The following WDR35 variants were observed in gnomAD, a reference collection of about 807,000 sequenced individuals.
WDR35 encodes WD repeat domain 35, also known as WD repeat-containing protein 35.
WDR35 carries 118 observed loss-of-function variants against 158.3 expected under a neutral mutation model. That is an observed-to-expected ratio of 0.75 (90% confidence interval 0.64 to 0.87). The LOEUF (loss-of-function observed/expected upper bound fraction) is 0.87, where lower values mean the gene tolerates loss of function less well. Among genes scored for constraint, WDR35 ranks in the 40% least tolerant of loss-of-function variants. WDR35 has a pLI of 0.00. For missense variants in WDR35, 1,263 were observed against 1,405.8 expected (o/e 0.90, Z 1.62); for synonymous variants, 448 against 476.1 (o/e 0.94, Z 0.77).
intron 8 of WDR35, 108 bp from the exon 9 acceptor site, chr2:19,969,713 A>G (rs1200176372): frequency 1.6e-6 from 2 of 1,234,612 alleles, no homozygotes; most frequent in Non-Finnish European, 2.3e-6. Context: ...TATTTTGTGA[A>G]AAGTTACTAG....
chr2:19,931,052 T>C (rs768672936), intron 24 of WDR35, among the ~76,000 whole-genome samples: 18 of 152,180 alleles, frequency 1.2e-4, no homozygotes, highest in Non-Finnish European at 2.5e-4. Context: ...GACTACAGAT[T>C]AGTATTACAG....
chr2:19,982,386 A>T, intron 3 of WDR35, 77 bp downstream of exon 3: 10 of 1,329,692 alleles, frequency 7.5e-6, no homozygotes, highest in Non-Finnish European at 1.1e-5. Flanking sequence ...AAATGTTGAC[A>T]TTTCTGCATT....
At chr2:19,914,512 A>G (rs1161795175) in intron 25 of WDR35, among the ~76,000 whole-genome samples, 3 of 152,234 alleles carry the variant, frequency 2.0e-5, no homozygotes, top group South Asian at 2.1e-4. Flanking sequence ...AATGCTGCAC[A>G]TGGCTGTGCC....
At chr2:19,933,865 T>C (rs1010748076) in intron 21 of WDR35, among the ~76,000 whole-genome samples, 4 of 152,174 alleles carry the variant, frequency 2.6e-5, no homozygotes, top group African/African-American at 9.7e-5. Flanking sequence ...GGTGGTATAC[T>C]CAGTGCTAAT....
intron 10 of WDR35, among the ~76,000 whole-genome samples, chr2:19,964,545 G>C (rs1174700920): frequency 6.6e-6 from 1 of 151,286 alleles, no homozygotes; most frequent in Non-Finnish European, 1.5e-5. Context: ...TGCCACGCCC[G>C]GCTAATTTTT....
chr2:19,928,300 A>G (rs1199927892), intron 25 of WDR35, among the ~76,000 whole-genome samples: 1 of 152,212 alleles, frequency 6.6e-6, no homozygotes, highest in East Asian at 1.9e-4. Context: ...CCCATAAGGG[A>G]TACTTTTAGT....
chr2:19,954,816 A>C (rs1278594566), intron 11 of WDR35, among the ~76,000 whole-genome samples: 1 of 152,222 alleles, frequency 6.6e-6, no homozygotes, highest in Non-Finnish European at 1.5e-5. Context: ...CCCAAGAAAA[A>C]TAAAAACATG....
chr2:19,978,768 A>G lies in WDR35; in HGVS notation c.419T>C (p.Ile140Thr), dbSNP rs781477085. 15 of 1,613,760 alleles carry G rather than the reference A, an allele frequency of 9.3e-6. No individual in the cohort carries two copies. The highest frequency in any genetic ancestry group is 4.5e-5 in the East Asian group (2 of 44,844). ...TACATTACCATCCACTGAACCAACT[A>G]TCACAGCCCCATCTTCATATACAAT... ...ICIVYEDGAV[I>T]VGSVDGNRIW... Residue 140 changes from isoleucine to threonine, a missense_variant, in exon 5 of 27, where the codon ATA (isoleucine) becomes ACA (threonine). Transcript: ENST00000281405.
chr2:19,944,601 T>C (rs751891658), intron 16 of WDR35, among the ~76,000 whole-genome samples: 1 of 152,138 alleles, frequency 6.6e-6, no homozygotes, highest in African/African-American at 2.4e-5. Context: ...CCTTGGACCC[T>C]TGAAAGAAGC....
intron 20 of WDR35, 130 bp from the exon 21 acceptor site, chr2:19,935,733 G>T: frequency 9.1e-7 from 1 of 1,095,590 alleles, no homozygotes; most frequent in Non-Finnish European, 1.3e-6. Context: ...TTCAGCTTCA[G>T]AATAACTTTC....
Position 19,960,582 on chromosome 2 carries a change from T to C in WDR35, c.1227A>G (p.Thr409=), listed in dbSNP as rs148828104. ...TATCAATGTATTTGGGATCCAAGGG[T>C]GTACCAATAGAATTACAAAGAACTA... ...FVLVLCNSIG[T]PLDPKYIDIV... Residue 409 remains threonine (T), a synonymous_variant, in exon 11 of 27, where the codon ACA becomes ACG. Transcript: ENST00000281405. 8.4e-5 allele frequency: 135 copies of C among 1,609,456 alleles called. No individual in the cohort carries two copies. In the African/African-American group the frequency reaches 1.5e-3, roughly 17 times the overall value.
chr2:19,936,387 C>G (rs769798037), intron 19 of WDR35, 22 bp from the exon 20 acceptor site: 1 of 1,613,688 alleles, frequency 6.2e-7, no homozygotes, highest in South Asian at 1.1e-5. Flanking sequence ...GGCATTCATT[C>G]ATTCATTCAT....
At chr2:19,958,760 G>T (rs75075959) in intron 11 of WDR35, among the ~76,000 whole-genome samples, 3 of 152,222 alleles carry the variant, frequency 2.0e-5, no homozygotes, top group Non-Finnish European at 4.4e-5. Context: ...CACAGTGCAG[G>T]TTAAGAGGTA....
chr2:19,953,933 G>C lies in WDR35; in HGVS notation c.1301C>G (p.Ser434Trp), dbSNP rs368497711. The change falls in exon 12 of 27, where the codon TCG (serine) becomes TGG (tryptophan). Residue 434 changes from serine to tryptophan, a missense_variant. Physicochemically the swap from Ser to Trp is radical, Grantham distance 177 (BLOSUM62 -3). Transcript: ENST00000281405. Reference sequence around the variant, plus strand: ...TTGCCAGGTATAAAATGCTTCTTTCGAGGCTGCTATCACATGGGTTTTGGT... The same window carrying C: ...TTGCCAGGTATAAAATGCTTCTTTCCAGGCTGCTATCACATGGGTTTTGGT... ...AMTKTHVIAA[S>W]KEAFYTWQYR... 1.2e-6 allele frequency: 2 copies of C among 1,613,926 alleles called. No individual in the cohort carries two copies. Among genetic ancestry groups the C allele is most frequent in the African/African-American group, 2.7e-5 (2 of 74,892 alleles).
intron 25 of WDR35, among the ~76,000 whole-genome samples, chr2:19,925,662 A>T (rs996950729): frequency 6.6e-6 from 1 of 152,212 alleles, no homozygotes; most frequent in Non-Finnish European, 1.5e-5. Context: ...ACCTGGGACT[A>T]TTCAACCAAT....
intron 25 of WDR35, among the ~76,000 whole-genome samples, chr2:19,918,911 C>G (rs941199500): frequency 2.0e-5 from 3 of 152,156 alleles, no homozygotes; most frequent in Non-Finnish European, 4.4e-5. Flanking sequence ...TAGACATCTA[C>G]GGAACTCTCC....
chr2:19,941,956 T>C, intron 16 of WDR35, 117 bp from the exon 17 acceptor site: 3 of 716,430 alleles, frequency 4.2e-6, no homozygotes, highest in Non-Finnish European at 7.2e-6. Flanking sequence ...AGAATGTCAT[T>C]AACACCCATA....
rs1358743777 is a variant in WDR35, at chr2:19,937,673, T to C, written c.2267+70A>G. 32 of 1,595,226 alleles carry C rather than the reference T, an allele frequency of 2.0e-5. No homozygotes were observed. The East Asian group carries it at 6.5e-4, about 32-fold the overall frequency. Reference sequence around the variant, plus strand: ...TATGATACACCTAACGTATTTATAGTTTCCATTTGTAAAAAATACAATGAT... The same window carrying C: ...TATGATACACCTAACGTATTTATAGCTTCCATTTGTAAAAAATACAATGAT... On this transcript the variant is annotated intron_variant, in intron 19 of 26. Coordinates refer to ENST00000281405, the MANE Select transcript of WDR35 (RefSeq NM_020779.4).
Position 19,966,972 on chromosome 2 carries a change from G to A in WDR35, c.1009-63C>T, listed in dbSNP as rs1366460887. The A allele has an allele frequency of 2.0e-6, 3 of 1,516,026 alleles. No homozygotes were observed. The African/African-American group carries it at 4.1e-5, about 21-fold the overall frequency. The allele number at this position is 1,516,026 out of a possible 1,614,324, so 93.9% of individuals were successfully genotyped here. ...AAGGGAGAAGAATTATTTAGTATTG[G>A]GAAGGCAAATCACATTATTTTATTT... On this transcript the variant is annotated intron_variant, in intron 9 of 26. Transcript: ENST00000281405.
Sources: allele counts gnomAD v4.1 joint callset (sites outside exome capture counted in the v4.1 genomes callset), GRCh38; gene constraint gnomAD v4.1.1; transcripts MANE v1.5; gene names NCBI Gene and HGNC (gene_info 2026-07-23, HGNC 2026-07-21).